SGMS1: variants seen among roughly 807,000 people sequenced by gnomAD.
SGMS1 encodes sphingomyelin synthase 1, also known as phosphatidylcholine:ceramide cholinephosphotransferase 1.
Under a neutral mutation model 46.2 loss-of-function variants are expected in SGMS1, and 13 were observed. The ratio of observed to expected loss-of-function variants is 0.28; its 90% CI spans 0.18 to 0.45. The LOEUF is 0.45. SGMS1 is among the 20% of genes least tolerant of loss of function. The pLI is 1.00. For synonymous variants in SGMS1, 203 were observed against 187.8 expected (o/e 1.08, Z -0.66); for missense variants, 324 against 519.9 (o/e 0.62, Z 3.66).
intron 6 of SGMS1, among the ~76,000 whole-genome samples, chr10:50,397,830 T>A (rs925913114): frequency 7.2e-5 from 11 of 152,214 alleles, no homozygotes; most frequent in African/African-American, 2.7e-4. Context: ...AGGTGTTAAT[T>A]ACTGATTTTA....
At chr10:50,435,673 T>A (rs753891877) in intron 5 of SGMS1, among the ~76,000 whole-genome samples, 2 of 152,188 alleles carry the variant, frequency 1.3e-5, no homozygotes, top group Admixed American at 1.3e-4. Flanking sequence ...TTAGTGCTAA[T>A]TCTTCTGGTG....
At chr10:50,619,344 G>A (rs1011460967) in intron 1 of SGMS1, among the ~76,000 whole-genome samples, 6 of 152,122 alleles carry the variant, frequency 3.9e-5, no homozygotes, top group South Asian at 2.1e-4. Flanking sequence ...AGGTTCTTCT[G>A]ACTTTTATGA....
intron 2 of SGMS1, among the ~76,000 whole-genome samples, chr10:50,585,927 T>C (rs1175470096): frequency 6.6e-6 from 1 of 152,180 alleles, no homozygotes; most frequent in African/African-American, 2.4e-5. Flanking sequence ...ATGATTACTA[T>C]GTCCTTGCTT....
intron 3 of SGMS1, among the ~76,000 whole-genome samples, chr10:50,498,933 G>A (rs955322104): frequency 6.6e-6 from 1 of 152,100 alleles, no homozygotes; most frequent in Non-Finnish European, 1.5e-5. Context: ...CCCACCAATA[G>A]TGCACGAGTG....
intron 8 of SGMS1, among the ~76,000 whole-genome samples, chr10:50,317,154 G>A (rs1185739668): frequency 6.6e-6 from 1 of 152,170 alleles, no homozygotes; most frequent in Non-Finnish European, 1.5e-5. Context: ...CCTTTAGCCT[G>A]ACTTTGTAGT....
chr10:50,489,800 C>A (rs187483804), intron 3 of SGMS1, among the ~76,000 whole-genome samples: 52 of 152,230 alleles, frequency 3.4e-4, no homozygotes, highest in Non-Finnish European at 6.3e-4. Context: ...ATGATGAAAC[C>A]TCATCTCTAC....
At chr10:50,623,554 A>G in intron 1 of SGMS1, 153 bp downstream of exon 1, 1 of 978,742 alleles carries the variant, frequency 1.0e-6, no homozygotes, top group Non-Finnish European at 1.2e-6. Context: ...CCCGCCAGGT[A>G]CGCGCGCGGC....
At chr10:50,324,863 G>A (rs1456184323) in intron 8 of SGMS1, among the ~76,000 whole-genome samples, 1 of 152,166 alleles carries the variant, frequency 6.6e-6, no homozygotes, top group Non-Finnish European at 1.5e-5. Context: ...TACTGGTAGA[G>A]GGGTGAAAGG....
intron 3 of SGMS1, among the ~76,000 whole-genome samples, chr10:50,514,060 T>G (rs924966241): frequency 6.6e-6 from 1 of 152,158 alleles, no homozygotes; most frequent in East Asian, 1.9e-4. Context: ...AAGTTGCCTG[T>G]GAGCACCAAA....
At chr10:50,610,368 G>T (rs1321195654) in intron 1 of SGMS1, among the ~76,000 whole-genome samples, 1 of 152,160 alleles carries the variant, frequency 6.6e-6, no homozygotes, top group African/African-American at 2.4e-5. Context: ...TGAATTTAAT[G>T]AGAGTTTTAG....
chr10:50,427,625 C>A (rs1442389289), intron 6 of SGMS1, among the ~76,000 whole-genome samples: 1 of 152,122 alleles, frequency 6.6e-6, no homozygotes, highest in Non-Finnish European at 1.5e-5. Context: ...AGTCGACATA[C>A]AACAAAGTGG....
chr10:50,409,351 G>A (rs1209444216), intron 6 of SGMS1, among the ~76,000 whole-genome samples: 2 of 152,128 alleles, frequency 1.3e-5, no homozygotes, highest in Non-Finnish European at 2.9e-5. Flanking sequence ...ATTCTAACTG[G>A]ATGTTTCTGT....
At chr10:50,415,167 C>T (rs1474878645) in intron 6 of SGMS1, among the ~76,000 whole-genome samples, 3 of 152,176 alleles carry the variant, frequency 2.0e-5, no homozygotes, top group Non-Finnish European at 2.9e-5. Context: ...CATTGCATAT[C>T]TATGGCAATG....
At chr10:50,434,905 G>C (rs955960101) in intron 5 of SGMS1, among the ~76,000 whole-genome samples, 1 of 150,204 alleles carries the variant, frequency 6.7e-6, no homozygotes, top group Admixed American at 6.6e-5. Context: ...AAAAAGACAG[G>C]AGGAGATGGA....
At chr10:50,624,617 C>G, upstream of SGMS1, 1 of 985,450 alleles carries the variant, frequency 1.0e-6, no homozygotes, top group Non-Finnish European at 1.2e-6. Context: ...CCTTCCGCCG[C>G]CCCTCCGAGC....
chr10:50,368,834 G>GTT (rs1848391336), intron 6 of SGMS1, among the ~76,000 whole-genome samples: 1 of 152,122 alleles, frequency 6.6e-6, no homozygotes, highest in South Asian at 2.1e-4. Context: ...ATAGATAAAA[G>GTT]ATTTGAACAA....
At chr10:50,372,152 C>T (rs1422740759) in intron 6 of SGMS1, among the ~76,000 whole-genome samples, 4 of 152,026 alleles carry the variant, frequency 2.6e-5, no homozygotes, top group Non-Finnish European at 5.9e-5. Flanking sequence ...GCACGGTGCC[C>T]GGCACATGCT....
At chr10:50,459,564 CGGCT>C (rs1454652345) in intron 5 of SGMS1, among the ~76,000 whole-genome samples, 258 of 152,198 alleles carry the variant, frequency 1.7e-3, no homozygotes, top group Middle Eastern at 6.8e-3. Context: ...CCACCATGCC[CGGCT>C]AATTTTTGTA....
chr10:50,393,208 A>G (rs1848800673), intron 6 of SGMS1, among the ~76,000 whole-genome samples: 1 of 152,120 alleles, frequency 6.6e-6, no homozygotes, highest in Non-Finnish European at 1.5e-5. Flanking sequence ...ACAAAGTGGG[A>G]CCTAACCCTG....
Sources: allele counts gnomAD v4.1 joint callset (sites outside exome capture counted in the v4.1 genomes callset), GRCh38; gene constraint gnomAD v4.1.1; transcripts MANE v1.5; gene names NCBI Gene and HGNC (gene_info 2026-07-23, HGNC 2026-07-21).